ACACA: variants seen among roughly 807,000 people sequenced by gnomAD.
ACACA encodes acetyl-CoA carboxylase 1.
Under a neutral mutation model 296.1 loss-of-function variants are expected in ACACA, and 103 were observed. The ratio of observed to expected loss-of-function variants is 0.35; its 90% CI spans 0.30 to 0.41. The LOEUF is 0.41. ACACA is among the 10% of genes least tolerant of loss of function. The probability of loss-of-function intolerance (pLI) is 1.00; values close to 1 mark genes in which losing one functional copy is unlikely to be tolerated. For synonymous variants in ACACA, 953 were observed against 1,038.6 expected, an observed-to-expected ratio of 0.92 and a Z score of 1.58; for missense variants, 1,554 against 2,989.7, an observed-to-expected ratio of 0.52 and a Z score of 11.20.
chr17:37,379,452 C>T (rs2050149327), intron 1 of ACACA: 2 of 1,498,964 alleles, frequency 1.3e-6, no homozygotes, highest in Non-Finnish European at 9.0e-7. Flanking sequence ...AGCCAGAACT[C>T]CGTAGCAGGA....
chr17:37,152,642 G>C (rs191123108), intron 43 of ACACA, among the ~76,000 whole-genome samples: 1 of 152,240 alleles, frequency 6.6e-6, no homozygotes, highest in Admixed American at 6.5e-5. Flanking sequence ...TCCTGGCAGG[G>C]GATTAGGAGT....
In ACACA at chr17:37,248,634, C is replaced by T; in HGVS notation, c.2122G>A (p.Asp708Asn). ...LPAHTLLNTV[D>N]VELIYEGVKY... ...ACTCCCTCATAGATAAGTTCAACAT[C>T]TACTGTATTCAGAAGTGTATGAGCA... Residue 708 changes from aspartate to asparagine, a missense_variant, in exon 17 of 56, where the codon GAT (aspartate) becomes AAT (asparagine). Asp to Asn is a conservative substitution (Grantham distance 23, BLOSUM62 1). Coordinates refer to ENST00000616317, the MANE Select transcript of ACACA (RefSeq NM_198834.3). 1 of 1,611,922 alleles carries T rather than the reference C, an allele frequency of 6.2e-7. No homozygotes were observed. Among genetic ancestry groups the T allele is most frequent in the Non-Finnish European group, 8.5e-7 (1 of 1,178,524 alleles).
At chr17:37,241,424 G>T (rs1487348660) in intron 23 of ACACA, among the ~76,000 whole-genome samples, 1 of 152,142 alleles carries the variant, frequency 6.6e-6, no homozygotes, top group Non-Finnish European at 1.5e-5. Flanking sequence ...TAATTGACAG[G>T]CTGGACGCAG....
At chr17:37,257,923 A>C in intron 13 of ACACA, 57 bp from the exon 14 acceptor site, 1 of 1,589,012 alleles carries the variant, frequency 6.3e-7, no homozygotes, top group Non-Finnish European at 8.6e-7. Flanking sequence ...GAGAAGATTT[A>C]TATATTCATT....
chr17:37,377,659 CAATAAATAAATA>C lies in ACACA; in HGVS notation c.38+28591_38+28602del, dbSNP rs140365002. On this transcript the variant is annotated intron_variant, in intron 1 of 55. Coordinates refer to ENST00000616317, the MANE Select transcript of ACACA (RefSeq NM_198834.3). Reference sequence around the variant, plus strand: ...TGGGCGACAGAGTGAGACTCCGTCTCAATAAATAAATAAATAAATAAATAAATAAATAAATAA... The same window carrying C: ...TGGGCGACAGAGTGAGACTCCGTCTCAATAAATAAATAAATAAATAAATAA... Among the ~76,000 whole-genome samples, 938 of 143,634 alleles carry C rather than the reference CAATAAATAAATA, an allele frequency of 6.5e-3. 4 individuals carry two copies. The highest frequency in any genetic ancestry group is 0.017 in the African/African-American group (648 of 38,780). 94.2% of individuals were successfully genotyped at this position (143,634 alleles called of 152,430 possible). A position where few individuals can be genotyped will look rare whatever the true frequency, so the allele number is the denominator to read the frequency against.
chr17:37,243,982 G>A (rs2080555525), intron 21 of ACACA, among the ~76,000 whole-genome samples: 1 of 152,136 alleles, frequency 6.6e-6, no homozygotes. Context: ...CCAAAGTGGT[G>A]AGATTACAGG....
intron 35 of ACACA, among the ~76,000 whole-genome samples, chr17:37,193,967 T>C (rs974989805): frequency 6.6e-6 from 1 of 152,158 alleles, no homozygotes; most frequent in Non-Finnish European, 1.5e-5. Context: ...TACCACTATA[T>C]GTATAGGAAA....
At chr17:37,274,042 C>A (rs762922128) in intron 9 of ACACA, 151 bp downstream of exon 9, 101 of 705,142 alleles carry the variant, frequency 1.4e-4, no homozygotes, top group Middle Eastern at 4.7e-4. Context: ...TAAAGAGAAA[C>A]CAGCGTATTC....
chr17:37,250,651 A>T (rs576115783), intron 16 of ACACA, among the ~76,000 whole-genome samples: 99 of 152,086 alleles, frequency 6.5e-4, no homozygotes, highest in African/African-American at 2.3e-3. Flanking sequence ...AAAAAGATTA[A>T]GATTAAACGC....
At chr17:37,321,185 G>A (rs2047339184) in intron 3 of ACACA, among the ~76,000 whole-genome samples, 1 of 151,990 alleles carries the variant, frequency 6.6e-6, no homozygotes, top group African/African-American at 2.4e-5. Context: ...CAATAGATAG[G>A]CCTTCTCTCA....
intron 1 of ACACA, among the ~76,000 whole-genome samples, chr17:37,391,143 C>T (rs2050865709): frequency 3.3e-5 from 5 of 152,114 alleles, no homozygotes. Context: ...GAGGCTGAGG[C>T]AGGATAATCG....
chr17:37,128,663 T>C (rs1417329924), intron 47 of ACACA, among the ~76,000 whole-genome samples: 2 of 152,234 alleles, frequency 1.3e-5, no homozygotes, highest in Non-Finnish European at 2.9e-5. Flanking sequence ...CAAATGAGAA[T>C]GTACACAGAG....
chr17:37,300,520 T>C (rs2146878123), intron 3 of ACACA, among the ~76,000 whole-genome samples: 1 of 152,252 alleles, frequency 6.6e-6, no homozygotes, highest in Admixed American at 6.5e-5. Flanking sequence ...AAATGCTGGA[T>C]AGAAATAGTT....
Position 37,191,282 on chromosome 17 carries a change from A to G in ACACA, c.4417-7T>C. On this transcript the variant is annotated splice_polypyrimidine_tract_variant and splice_region_variant and intron_variant, in intron 37 of 55. Coordinates refer to ENST00000616317, the MANE Select transcript of ACACA (RefSeq NM_198834.3). Reference sequence around the variant, plus strand: ...GATATTCAAAAGAAGCTTCCTATACAGGAAGAAAATAATCAACATTAATGT... The same window carrying G: ...GATATTCAAAAGAAGCTTCCTATACGGGAAGAAAATAATCAACATTAATGT... The G allele has an allele frequency of 3.1e-6, 5 of 1,613,312 alleles. No individual in the cohort carries two copies. The highest frequency in any genetic ancestry group is 4.2e-6 in the Non-Finnish European group (5 of 1,179,544).
chr17:37,215,025 T>C (rs1189875231), intron 29 of ACACA, among the ~76,000 whole-genome samples: 2 of 152,138 alleles, frequency 1.3e-5, no homozygotes, highest in Non-Finnish European at 2.9e-5. Flanking sequence ...GAATAAAAAG[T>C]CCAGAGGCCG....
At chr17:37,344,857 A>G (rs958528134) in intron 1 of ACACA, among the ~76,000 whole-genome samples, 1 of 152,210 alleles carries the variant, frequency 6.6e-6, no homozygotes, top group African/African-American at 2.4e-5. Flanking sequence ...TCAGATCATT[A>G]CATTTTCTCC....
intron 1 of ACACA, chr17:37,392,781 T>C (rs1327431790): frequency 6.6e-6 from 1 of 152,156 alleles, no homozygotes. Context: ...GATTTAATAT[T>C]CAAGTCCAGC....
chr17:37,345,204 C>T (rs572015895), intron 1 of ACACA: 1 of 152,244 alleles, frequency 6.6e-6, no homozygotes, highest in Non-Finnish European at 1.5e-5. Context: ...CAGGCCCGCA[C>T]CACCATTCCC....
intron 3 of ACACA, among the ~76,000 whole-genome samples, chr17:37,325,773 C>T (rs2047592564): frequency 6.6e-6 from 1 of 151,688 alleles, no homozygotes; most frequent in Admixed American, 6.6e-5. Flanking sequence ...GGGGTTTCTC[C>T]ATGTTGGTCA....
Sources: allele counts gnomAD v4.1 joint callset (sites outside exome capture counted in the v4.1 genomes callset), GRCh38; gene constraint gnomAD v4.1.1; transcripts MANE v1.5; gene names NCBI Gene and HGNC (gene_info 2026-07-23, HGNC 2026-07-21).